Variants in SUPT3H observed in about 807,000 individuals in gnomAD.
SUPT3H encodes the protein SPT3 homolog, SAGA and STAGA complex component, also known as transcription initiation protein SPT3 homolog.
SUPT3H carries 44 observed loss-of-function variants against 44.3 expected under a neutral mutation model. The ratio of observed to expected loss-of-function variants is 0.99; its 90% CI spans 0.78 to 1.28. SUPT3H has a LOEUF of 1.28. Among genes scored for constraint, SUPT3H ranks in the 50% most tolerant of loss-of-function variants. SUPT3H has a pLI of 0.00. For missense variants in SUPT3H, 380 were observed against 387.1 expected, an observed-to-expected ratio of 0.98 and a Z score of 0.15; for synonymous variants, 124 against 125.6, an observed-to-expected ratio of 0.99 and a Z score of 0.09.
intron 10 of SUPT3H, among the ~76,000 whole-genome samples, chr6:44,917,652 C>T (rs1306729205): frequency 6.6e-6 from 1 of 152,144 alleles, no homozygotes; most frequent in Non-Finnish European, 1.5e-5. Flanking sequence ...AATGAAGCCT[C>T]ATGAGTCTTT....
At chr6:44,939,532 T>C (rs1772054852) in intron 9 of SUPT3H, among the ~76,000 whole-genome samples, 1 of 152,148 alleles carries the variant, frequency 6.6e-6, no homozygotes, top group Non-Finnish European at 1.5e-5. Flanking sequence ...TCTGTTTTTG[T>C]TGTGTCCTTG....
intron 10 of SUPT3H, among the ~76,000 whole-genome samples, chr6:44,882,065 G>A (rs535270138): frequency 3.3e-5 from 5 of 152,032 alleles, no homozygotes; most frequent in South Asian, 2.1e-4. Context: ...ACAGAGACAC[G>A]AAAAACCCTT....
intron 10 of SUPT3H, among the ~76,000 whole-genome samples, chr6:44,914,547 A>G (rs575580138): frequency 1.0e-3 from 159 of 152,344 alleles, no homozygotes; most frequent in African/African-American, 3.6e-3. Flanking sequence ...CTGGACAGTA[A>G]TAATCAAACA....
chr6:45,221,252 T>C (rs891908290), intron 2 of SUPT3H, among the ~76,000 whole-genome samples: 1 of 152,066 alleles, frequency 6.6e-6, no homozygotes, highest in Non-Finnish European at 1.5e-5. Flanking sequence ...AGGGATAGCA[T>C]TAGGAGAAAT....
chr6:45,126,955 G>T (rs1243871497), intron 2 of SUPT3H, among the ~76,000 whole-genome samples: 1 of 152,104 alleles, frequency 6.6e-6, no homozygotes, highest in Non-Finnish European at 1.5e-5. Flanking sequence ...TGAAAATTCT[G>T]ACTTCCACTG....
chr6:44,900,708 A>T (rs1169956291), intron 10 of SUPT3H, among the ~76,000 whole-genome samples: 2 of 152,162 alleles, frequency 1.3e-5, no homozygotes, highest in Non-Finnish European at 2.9e-5. Flanking sequence ...AGATCTGAGA[A>T]CCGACAGACT....
chr6:45,364,006 T>A (rs1341762853), intron 2 of SUPT3H, among the ~76,000 whole-genome samples: 1 of 151,900 alleles, frequency 6.6e-6, no homozygotes, highest in Non-Finnish European at 1.5e-5. Flanking sequence ...TCTCAGCTAC[T>A]TGGGAGGCTG....
intron 2 of SUPT3H, among the ~76,000 whole-genome samples, chr6:45,165,469 T>C (rs940336522): frequency 6.6e-6 from 1 of 152,060 alleles, no homozygotes; most frequent in African/African-American, 2.4e-5. Flanking sequence ...TAAAAAATTA[T>C]GAAACGCAAA....
At chr6:44,946,768 A>C (rs1458914221) in intron 9 of SUPT3H, among the ~76,000 whole-genome samples, 1 of 152,212 alleles carries the variant, frequency 6.6e-6, no homozygotes, top group African/African-American at 2.4e-5. Context: ...CCTACAAAGG[A>C]CTTAGACTTA....
chr6:44,932,782 T>C lies in SUPT3H; in HGVS notation c.802-19A>G. Reference sequence around the variant, plus strand: ...CAGTGCTCTGCGACAGAAAAACACATAAATTGTTACTAAATCAAAAACACG... The same window carrying C: ...CAGTGCTCTGCGACAGAAAAACACACAAATTGTTACTAAATCAAAAACACG... On this transcript the variant is annotated intron_variant, in intron 9 of 10. Transcript: ENST00000371459. The C allele has an allele frequency of 6.5e-7, 1 of 1,532,360 alleles. No individual in the cohort carries two copies. 94.9% of individuals were successfully genotyped at this position (1,532,360 alleles called of 1,614,324 possible). A position where few individuals can be genotyped will look rare whatever the true frequency, so the allele number is the denominator to read the frequency against.
At chr6:45,363,543 C>A (rs938524350) in intron 2 of SUPT3H, among the ~76,000 whole-genome samples, 1 of 151,958 alleles carries the variant, frequency 6.6e-6, no homozygotes, top group Non-Finnish European at 1.5e-5. Context: ...AATCAATGAA[C>A]CAGCTCTACA....
chr6:45,272,623 T>G (rs1776373327), intron 2 of SUPT3H, among the ~76,000 whole-genome samples: 1 of 152,188 alleles, frequency 6.6e-6, no homozygotes. Context: ...CAGAAGAAGC[T>G]GAATCAGGAC....
chr6:44,924,801 T>A (rs1046597614), intron 10 of SUPT3H, among the ~76,000 whole-genome samples: 1 of 152,132 alleles, frequency 6.6e-6, no homozygotes, highest in Non-Finnish European at 1.5e-5. Context: ...CAATCTGTAA[T>A]AATAGATTTA....
intron 2 of SUPT3H, among the ~76,000 whole-genome samples, chr6:45,287,209 T>C (rs571343907): frequency 6.6e-6 from 1 of 151,886 alleles, no homozygotes; most frequent in Admixed American, 6.6e-5. Flanking sequence ...ACCTGCACAT[T>C]GTGCACATGT....
At chr6:44,976,899 G>T (rs1317605377) in intron 6 of SUPT3H, among the ~76,000 whole-genome samples, 2 of 152,138 alleles carry the variant, frequency 1.3e-5, no homozygotes, top group African/African-American at 4.8e-5. Context: ...AAAATCCTCT[G>T]CAATCATAAG....
chr6:44,937,124 G>T (rs1771569421), intron 9 of SUPT3H, among the ~76,000 whole-genome samples: 1 of 152,152 alleles, frequency 6.6e-6, no homozygotes, highest in African/African-American at 2.4e-5. Context: ...TTGATGTAAT[G>T]ATTTCTTTTC....
At chr6:44,949,272 C>T (rs973792309) in intron 9 of SUPT3H, among the ~76,000 whole-genome samples, 2 of 152,008 alleles carry the variant, frequency 1.3e-5, no homozygotes, top group South Asian at 2.1e-4. Flanking sequence ...GATAGCATTA[C>T]GAGACATACC....
chr6:45,290,802 T>C (rs1367059375), intron 2 of SUPT3H, among the ~76,000 whole-genome samples: 2 of 152,246 alleles, frequency 1.3e-5, no homozygotes, highest in Admixed American at 6.5e-5. Context: ...TCCCACAGTA[T>C]TGTATCACAT....
intron 2 of SUPT3H, among the ~76,000 whole-genome samples, chr6:45,174,454 T>C (rs1811347657): frequency 6.6e-6 from 1 of 152,220 alleles, no homozygotes; most frequent in Admixed American, 6.5e-5. Context: ...TTCAAATCTA[T>C]AATCTATGCT....
Sources: gnomAD v4.1 joint callset for allele counts (sites outside exome capture counted in the v4.1 genomes callset) on GRCh38, gnomAD v4.1.1 for gene constraint, MANE v1.5 for transcripts, NCBI Gene and HGNC (gene_info 2026-07-23, HGNC 2026-07-21) for gene names.